The following CCDC7 variants were observed in gnomAD, a reference collection of about 807,000 sequenced individuals.
CCDC7 encodes the protein coiled-coil domain-containing protein 7.
In CCDC7, 183 loss-of-function variants were observed where a neutral mutation model predicts 196.9. That is an observed-to-expected ratio of 0.93 (90% CI 0.82 to 1.05). The LOEUF (loss-of-function observed/expected upper bound fraction) is 1.05. Among genes scored for constraint, CCDC7 ranks in the 50% least tolerant of loss-of-function variants. The pLI is 0.00. For synonymous variants in CCDC7, 525 were observed against 484.6 expected (o/e 1.08, Z -1.10); for missense variants, 1,540 against 1,482.2 (o/e 1.04, Z -0.64).
intron 21 of CCDC7, among the ~76,000 whole-genome samples, chr10:32,678,843 C>T (rs927870045): frequency 6.6e-6 from 1 of 152,126 alleles, no homozygotes; most frequent in Non-Finnish European, 1.5e-5. Flanking sequence ...TTTCTGTGTT[C>T]CACTGCTGTG....
At chr10:32,509,388 A>T (rs1166943281) in intron 9 of CCDC7, among the ~76,000 whole-genome samples, 1 of 152,150 alleles carries the variant, frequency 6.6e-6, no homozygotes, top group African/African-American at 2.4e-5. Context: ...CATGCCATGC[A>T]TAAAAATAAA....
chr10:32,701,476 CTCT>C (rs1347732948), intron 24 of CCDC7, among the ~76,000 whole-genome samples: 1 of 152,100 alleles, frequency 6.6e-6, no homozygotes, highest in African/African-American at 2.4e-5. Flanking sequence ...GTCTAAAATT[CTCT>C]TTTTTGGTTG....
rs554925911 is a variant in CCDC7, at chr10:32,862,474, G to A, written c.4111+7985G>A. Reference sequence around the variant, plus strand: ...GACAAATACCTAATGTAGATGATGGGTTGATGGGTGCAGCAAACCACATGT... The same window carrying A: ...GACAAATACCTAATGTAGATGATGGATTGATGGGTGCAGCAAACCACATGT... On this transcript the variant is annotated intron_variant, in intron 41 of 41. Coordinates refer to ENST00000639629, the Ensembl canonical transcript of CCDC7. 3.7e-4 allele frequency among the ~76,000 whole-genome samples: 57 copies of A among 152,042 alleles called. 1 individual carries two copies. Among genetic ancestry groups the A allele is most frequent in the Admixed American group, 1.6e-3 (24 of 15,232 alleles).
intron 33 of CCDC7, among the ~76,000 whole-genome samples, chr10:32,838,945 G>C (rs747330515): frequency 9.5e-4 from 145 of 152,040 alleles, no homozygotes; most frequent in South Asian, 1.5e-3. Context: ...GACATAATTT[G>C]CCACTACCTA....
intron 8 of CCDC7, among the ~76,000 whole-genome samples, chr10:32,482,236 A>T (rs1336985840): frequency 1.3e-5 from 2 of 151,994 alleles, no homozygotes; most frequent in Non-Finnish European, 2.9e-5. Context: ...AGATAACTGC[A>T]GATTTCTTAC....
chr10:32,443,704 A>G (rs571197468), upstream of CCDC7, among the ~76,000 whole-genome samples: 2 of 152,274 alleles, frequency 1.3e-5, no homozygotes, highest in East Asian at 3.9e-4. Flanking sequence ...CTATAACTTT[A>G]TAACTCTTGA....
At chr10:32,824,083 A>G (rs1211371971) in intron 31 of CCDC7, among the ~76,000 whole-genome samples, 2 of 152,108 alleles carry the variant, frequency 1.3e-5, no homozygotes, top group Non-Finnish European at 2.9e-5. Context: ...TAGGTCAACT[A>G]TGAAAAAAAA....
At chr10:32,673,538 A>T (rs1381199010) in intron 21 of CCDC7, among the ~76,000 whole-genome samples, 1 of 151,884 alleles carries the variant, frequency 6.6e-6, no homozygotes, top group East Asian at 1.9e-4. Flanking sequence ...AGTAGGATTG[A>T]TTTTGAATTC....
intron 21 of CCDC7, among the ~76,000 whole-genome samples, chr10:32,681,524 AG>A (rs1472257514): frequency 1.3e-5 from 2 of 152,152 alleles, no homozygotes; most frequent in Non-Finnish European, 2.9e-5. Flanking sequence ...TATATGCCCA[AG>A]AGCCTGGTTG....
chr10:32,751,346 A>G (rs2075624520), intron 28 of CCDC7, among the ~76,000 whole-genome samples: 1 of 152,006 alleles, frequency 6.6e-6, no homozygotes, highest in Non-Finnish European at 1.5e-5. Context: ...GCCAGTACCG[A>G]AACTTTTTTC....
rs142213882 is a variant in CCDC7, at chr10:32,860,922, A to C, written c.4111+6433A>C. Among the ~76,000 whole-genome samples, 11 of 152,248 alleles carry C rather than the reference A, an allele frequency of 7.2e-5. No homozygotes were observed. The East Asian group carries it at 2.1e-3, about 29-fold the overall frequency. ...AAGGAAATAAGAGAGAACATAAATAAATGGAAAAACATTCCATGGTCATGG... is the reference window on the plus strand; with the variant it reads ...AAGGAAATAAGAGAGAACATAAATACATGGAAAAACATTCCATGGTCATGG... On this transcript the variant is annotated intron_variant, in intron 41 of 41. Coordinates refer to ENST00000639629, the Ensembl canonical transcript of CCDC7.
chr10:32,695,552 G>A (rs536659745), intron 24 of CCDC7, among the ~76,000 whole-genome samples: 1 of 152,234 alleles, frequency 6.6e-6, no homozygotes, highest in East Asian at 1.9e-4. Flanking sequence ...TCTAGTCTGG[G>A]CTTTCCTTTT....
intron 11 of CCDC7, among the ~76,000 whole-genome samples, chr10:32,536,983 A>C (rs966882192): frequency 1.3e-5 from 2 of 152,198 alleles, no homozygotes; most frequent in Non-Finnish European, 2.9e-5. Flanking sequence ...TCTTCATGGT[A>C]GAATGATTTA....
intron 39 of CCDC7, among the ~76,000 whole-genome samples, chr10:32,849,701 C>CAAAAAAAAAAAAAAAAAA (rs34677799): frequency 2.5e-5 from 2 of 80,816 alleles, no homozygotes; most frequent in African/African-American, 5.4e-5. Context: ...GACTCCGTCT[C>CAAAAAAAAAAAAAAAAAA]AAAAAAAAAA....
At chr10:32,827,922 A>C (rs1053148888) in intron 32 of CCDC7, among the ~76,000 whole-genome samples, 2 of 152,308 alleles carry the variant, frequency 1.3e-5, no homozygotes, top group East Asian at 3.9e-4. Context: ...CATTTCCCAG[A>C]TATAGGATAG....
downstream of CCDC7, among the ~76,000 whole-genome samples, chr10:32,880,237 C>T (rs771100787): frequency 1.3e-5 from 2 of 152,038 alleles, no homozygotes; most frequent in African/African-American, 2.4e-5. Flanking sequence ...TTTTAATAAT[C>T]GCCATTCTGA....
intron 18 of CCDC7, among the ~76,000 whole-genome samples, chr10:32,593,409 T>C (rs1036340715): frequency 1.3e-5 from 2 of 152,236 alleles, no homozygotes; most frequent in African/African-American, 4.8e-5. Flanking sequence ...GATTTTTTCC[T>C]GTAAATTTGT....
At chr10:32,479,676 G>A (rs765293763) in intron 8 of CCDC7, among the ~76,000 whole-genome samples, 3 of 152,050 alleles carry the variant, frequency 2.0e-5, no homozygotes, top group Admixed American at 6.6e-5. Context: ...TTTTCTCATA[G>A]CGTCTTTGTC....
intron 21 of CCDC7, among the ~76,000 whole-genome samples, chr10:32,682,123 G>A (rs1274479379): frequency 9.2e-5 from 14 of 152,058 alleles, no homozygotes; most frequent in Non-Finnish European, 2.1e-4. Context: ...TGTCACCAAG[G>A]TAGTGAGCAT....
Sources: gnomAD v4.1 joint callset for allele counts (sites outside exome capture counted in the v4.1 genomes callset) on GRCh38, gnomAD v4.1.1 for gene constraint, MANE v1.5 for transcripts, NCBI Gene and HGNC (gene_info 2026-07-23, HGNC 2026-07-21) for gene names.